PCDH9: variants seen among roughly 807,000 people sequenced by gnomAD.
PCDH9 encodes the protein protocadherin 9.
PCDH9 carries 24 observed loss-of-function variants against 70.6 expected under a neutral mutation model. The observed-to-expected ratio is 0.34, with a 90% CI of 0.25 to 0.48. The LOEUF (loss-of-function observed/expected upper bound fraction) is 0.48. PCDH9 is among the 20% of genes least tolerant of loss of function. The pLI is 0.99. For missense variants in PCDH9, 1,281 were observed against 1,503.6 expected (o/e 0.85, Z 2.45); for synonymous variants, 562 against 558.5 (o/e 1.01, Z -0.09).
At chr13:66,342,794 T>TTTATTTATTTA (rs1320773787) in intron 4 of PCDH9, among the ~76,000 whole-genome samples, 1 of 11,210 alleles carries the variant, frequency 8.9e-5, no homozygotes, top group Non-Finnish European at 5.3e-4. Flanking sequence ...TATTTATTTA[T>TTTATTTATTTA]TGTATTTATT....
rs777316241 is a variant in PCDH9 at position 66,559,833 on chromosome 13, T to TATACACAC, written c.3340+71376_3340+71377insGTGTGTAT. Among the ~76,000 whole-genome samples the TATACACAC allele has an allele frequency of 1.5e-3, 128 of 87,110 alleles. 2 individuals are homozygous for TATACACAC. Among genetic ancestry groups the TATACACAC allele is most frequent in the African/African-American group, 3.7e-3 (90 of 24,010 alleles). 57.1% of individuals were successfully genotyped at this position (87,110 alleles called of 152,430 possible). A position where few individuals can be genotyped will look rare whatever the true frequency, so the allele number is the denominator to read the frequency against. ...AAAAAAAAAAATATATATATATATA[T>TATACACAC]ACACACACACACACACACACACACA... On this transcript the variant is annotated intron_variant, in intron 4 of 4. Transcript: ENST00000377865.
chr13:67,216,158 C>G (rs948428011), intron 2 of PCDH9: 1 of 152,030 alleles, frequency 6.6e-6, no homozygotes, highest in African/African-American at 2.4e-5. Flanking sequence ...GTCAATAACC[C>G]TTAGCTAAAG....
At chr13:66,820,056 A>T (rs537311811) in intron 3 of PCDH9, among the ~76,000 whole-genome samples, 1 of 152,314 alleles carries the variant, frequency 6.6e-6, no homozygotes, top group Non-Finnish European at 1.5e-5. Context: ...TTTTAAGATA[A>T]GTATGATATA....
chr13:66,719,128 G>A (rs2078908751), intron 3 of PCDH9, among the ~76,000 whole-genome samples: 1 of 152,174 alleles, frequency 6.6e-6, no homozygotes, highest in African/African-American at 2.4e-5. Flanking sequence ...TCGAAGATGT[G>A]GTTTAATAGA....
intron 2 of PCDH9, among the ~76,000 whole-genome samples, chr13:67,154,879 A>G (rs570414030): frequency 1.3e-5 from 2 of 151,600 alleles, no homozygotes; most frequent in Admixed American, 6.6e-5. Context: ...AATTTTTTGT[A>G]TTTTTAGTAA....
At chr13:66,730,875 TG>T (rs1459206135) in intron 3 of PCDH9, among the ~76,000 whole-genome samples, 791 of 10,162 alleles carry the variant, frequency 0.078, 20 homozygotes, top group African/African-American at 0.085. Flanking sequence ...TGTGTGTGTG[TG>T]TTTTTTTTTT....
chr13:66,425,590 T>C (rs1342188763), intron 4 of PCDH9, among the ~76,000 whole-genome samples: 2 of 151,670 alleles, frequency 1.3e-5, no homozygotes, highest in Non-Finnish European at 3.0e-5. Flanking sequence ...GACTGTGTAT[T>C]TGTCCTACCG....
chr13:66,324,669 G>A (rs926647092), intron 4 of PCDH9, among the ~76,000 whole-genome samples: 6 of 152,056 alleles, frequency 3.9e-5, no homozygotes, highest in Non-Finnish European at 7.3e-5. Context: ...AATAGGCACT[G>A]TGAGAGTGGC....
intron 3 of PCDH9, among the ~76,000 whole-genome samples, chr13:66,701,539 T>C (rs2078648420): frequency 6.6e-6 from 1 of 152,186 alleles, no homozygotes; most frequent in African/African-American, 2.4e-5. Context: ...AAACATTAAA[T>C]TCTTAATTAC....
At chr13:66,391,649 C>T (rs1445389517) in intron 4 of PCDH9, among the ~76,000 whole-genome samples, 2 of 151,982 alleles carry the variant, frequency 1.3e-5, no homozygotes, top group Non-Finnish European at 2.9e-5. Context: ...AGAACCAAAC[C>T]TAAACCTTCA....
chr13:67,180,649 C>T (rs948294404), intron 2 of PCDH9, among the ~76,000 whole-genome samples: 38 of 152,136 alleles, frequency 2.5e-4, no homozygotes, highest in African/African-American at 8.2e-4. Flanking sequence ...TTGGTCTTCA[C>T]GAGCGGAGCC....
chr13:66,333,085 C>T (rs564533016), intron 4 of PCDH9, among the ~76,000 whole-genome samples: 1 of 152,144 alleles, frequency 6.6e-6, no homozygotes, highest in Non-Finnish European at 1.5e-5. Flanking sequence ...TGAAAACATA[C>T]TGAATTCCCA....
At chr13:66,809,627 AC>A (rs144092350) in intron 3 of PCDH9, among the ~76,000 whole-genome samples, 3,161 of 152,270 alleles carry the variant, frequency 0.021, 129 homozygotes, top group African/African-American at 0.07. Context: ...CATGATTATA[AC>A]AGTTTAGTAT....
rs1317666384 is a variant in PCDH9, at chr13:66,859,455, T to C, written c.3138+44049A>G. On this transcript the variant is annotated intron_variant, in intron 3 of 4. Coordinates refer to ENST00000377865, the MANE Select transcript of PCDH9 (RefSeq NM_203487.3). ...GTAAAATTTAGGTTAGGTTGATTAA[T>C]TGTATTTATGCAAAATCTTATAAAA... 2.6e-5 allele frequency among the ~76,000 whole-genome samples: 4 copies of C among 152,314 alleles called. No individual in the cohort carries two copies. The East Asian group carries it at 7.7e-4, about 29-fold the overall frequency.
intron 4 of PCDH9, among the ~76,000 whole-genome samples, chr13:66,408,356 C>A (rs1004395387): frequency 6.6e-6 from 1 of 152,214 alleles, no homozygotes; most frequent in African/African-American, 2.4e-5. Context: ...GAATTGTCTC[C>A]ATTCCCAATT....
At chr13:66,579,528 T>C (rs1270414002) in intron 4 of PCDH9, among the ~76,000 whole-genome samples, 1 of 152,116 alleles carries the variant, frequency 6.6e-6, no homozygotes, top group Non-Finnish European at 1.5e-5. Flanking sequence ...ACAATTTTGC[T>C]GTGAGCCTGG....
intron 3 of PCDH9, among the ~76,000 whole-genome samples, chr13:66,822,136 G>GCACACACA (rs10701113): frequency 0.051 from 7,536 of 149,218 alleles, 259 homozygotes; most frequent in Middle Eastern, 0.097. Flanking sequence ...TCACACACGC[G>GCACACACA]CACACACACA....
chr13:66,785,874 GT>G (rs1480702615), intron 3 of PCDH9, among the ~76,000 whole-genome samples: 1 of 151,762 alleles, frequency 6.6e-6, no homozygotes, highest in Non-Finnish European at 1.5e-5. Context: ...GTTTGAGACT[GT>G]TATTTATCTA....
intron 4 of PCDH9, among the ~76,000 whole-genome samples, chr13:66,405,190 T>C (rs780972666): frequency 2.0e-5 from 3 of 152,158 alleles, no homozygotes; most frequent in Non-Finnish European, 2.9e-5. Flanking sequence ...TCTCCCCTCA[T>C]CTTGATTCAA....
Sources: gnomAD v4.1 joint callset for allele counts (sites outside exome capture counted in the v4.1 genomes callset) on GRCh38, gnomAD v4.1.1 for gene constraint, MANE v1.5 for transcripts, NCBI Gene and HGNC (gene_info 2026-07-23, HGNC 2026-07-21) for gene names.